Variants in PTPRG observed in about 807,000 individuals in gnomAD.
PTPRG encodes receptor-type tyrosine-protein phosphatase gamma.
Under a neutral mutation model 165.3 loss-of-function variants are expected in PTPRG, and 102 were observed. The ratio of observed to expected loss-of-function variants is 0.62; its 90% confidence interval spans 0.53 to 0.73. The LOEUF (loss-of-function observed/expected upper bound fraction) is 0.73. PTPRG is among the 30% of genes least tolerant of loss of function. PTPRG has a pLI of 0.00. For missense variants in PTPRG, 1,866 were observed against 1,861.4 expected (o/e 1.00, Z -0.05); for synonymous variants, 675 against 669.5 (o/e 1.01, Z -0.13).
At chr3:61,950,444 A>C (rs1211093779) in intron 2 of PTPRG, among the ~76,000 whole-genome samples, 1 of 152,204 alleles carries the variant, frequency 6.6e-6, no homozygotes, top group African/African-American at 2.4e-5. Context: ...GTGTTCAATG[A>C]AGTAAATGCT....
At chr3:61,958,898 A>T (rs1412529672) in intron 2 of PTPRG, among the ~76,000 whole-genome samples, 1 of 152,136 alleles carries the variant, frequency 6.6e-6, no homozygotes, top group East Asian at 1.9e-4. Context: ...GGTTCTTTGG[A>T]GAATACAAGG....
At chr3:61,688,902 C>T (rs1298268746) in intron 1 of PTPRG, among the ~76,000 whole-genome samples, 1 of 152,146 alleles carries the variant, frequency 6.6e-6, no homozygotes, top group African/African-American at 2.4e-5. Context: ...ACTGTCCTGC[C>T]CTGCTTCTCA....
At chr3:61,971,554 T>C (rs2040384425) in intron 2 of PTPRG, among the ~76,000 whole-genome samples, 1 of 152,214 alleles carries the variant, frequency 6.6e-6, no homozygotes, top group Non-Finnish European at 1.5e-5. Context: ...ATCTTGTAAC[T>C]AAAGGAAATT....
At chr3:61,563,072 C>A (rs541847640) in intron 1 of PTPRG, among the ~76,000 whole-genome samples, 1 of 151,792 alleles carries the variant, frequency 6.6e-6, no homozygotes, top group African/African-American at 2.4e-5. Context: ...CTAGCCCCGG[C>A]CCGTGGCCCT....
At chr3:62,192,069 T>A (rs977218620) in intron 9 of PTPRG, among the ~76,000 whole-genome samples, 1 of 152,164 alleles carries the variant, frequency 6.6e-6, no homozygotes, top group Non-Finnish European at 1.5e-5. Flanking sequence ...ATCATTCTCC[T>A]CTTCCTCTTC....
At chr3:62,194,959 A>G in intron 9 of PTPRG, 103 bp from the exon 10 acceptor site, 1 of 1,061,602 alleles carries the variant, frequency 9.4e-7, no homozygotes, top group Non-Finnish European at 1.4e-6. Flanking sequence ...GGGAAGCATC[A>G]CACCTGTCAG....
chr3:62,044,039 C>A (rs1019202849), intron 4 of PTPRG, among the ~76,000 whole-genome samples: 3 of 152,222 alleles, frequency 2.0e-5, no homozygotes, highest in Non-Finnish European at 4.4e-5. Context: ...ATGGAGTCAG[C>A]ACCCTCTTTG....
chr3:61,645,448 C>T (rs146931127), intron 1 of PTPRG, among the ~76,000 whole-genome samples: 101 of 152,302 alleles, frequency 6.6e-4, no homozygotes, highest in African/African-American at 2.2e-3. Flanking sequence ...GCATGTGACC[C>T]GGGCTCCACC....
intron 1 of PTPRG, among the ~76,000 whole-genome samples, chr3:61,726,461 T>C (rs759550549): frequency 6.6e-6 from 1 of 152,192 alleles, no homozygotes; most frequent in Non-Finnish European, 1.5e-5. Context: ...ATTTGTATAA[T>C]GGAAATATAC....
chr3:62,273,565 C>G lies in PTPRG; in HGVS notation c.3319-133C>G. The G allele has an allele frequency of 1.2e-6, 1 of 839,844 alleles. No homozygotes were observed. Among genetic ancestry groups the G allele is most frequent in the Non-Finnish European group, 1.9e-6 (1 of 512,954 alleles). 52.0% of individuals were successfully genotyped at this position (839,844 alleles called of 1,614,324 possible). On this transcript the variant is annotated intron_variant, in intron 22 of 29. Coordinates refer to ENST00000474889, the MANE Select transcript of PTPRG (RefSeq NM_002841.4). The surrounding 1 kb of genome is among the most constrained non-coding windows in gnomAD (Gnocchi z 4.1). The stretch of plus-strand genomic sequence containing the variant: ...ATAAAGTGAGTATTGGAGCAAATCA[C>G]CTAGCTGTAAGTGCTTGAAGGAAAT...
At chr3:61,867,090 A>G (rs1171964540) in intron 2 of PTPRG, among the ~76,000 whole-genome samples, 1 of 152,128 alleles carries the variant, frequency 6.6e-6, no homozygotes. Context: ...TCAGTACCAG[A>G]TGGCCTCCTG....
intron 1 of PTPRG, among the ~76,000 whole-genome samples, chr3:61,615,430 C>G (rs931690150): frequency 6.6e-6 from 1 of 152,204 alleles, no homozygotes; most frequent in Non-Finnish European, 1.5e-5. Flanking sequence ...TGCGTTGGGA[C>G]AGAAACACCA....
intron 1 of PTPRG, among the ~76,000 whole-genome samples, chr3:61,721,888 T>C (rs1469554299): frequency 1.3e-5 from 2 of 152,188 alleles, no homozygotes; most frequent in Non-Finnish European, 2.9e-5. Flanking sequence ...GAACCTCATA[T>C]TGTTTCTGAC....
chr3:61,748,792 A>AG, intron 1 of PTPRG, 86 bp from the exon 2 acceptor site: 1 of 1,046,744 alleles, frequency 9.6e-7, no homozygotes, highest in Non-Finnish European at 1.5e-6. Context: ...GATTCTACGA[A>AG]GTCACCCAAT....
At chr3:61,657,416 T>G (rs1426550941) in intron 1 of PTPRG, among the ~76,000 whole-genome samples, 1 of 152,088 alleles carries the variant, frequency 6.6e-6, no homozygotes, top group South Asian at 2.1e-4. Flanking sequence ...TGCTCCATTT[T>G]GAGGCCAGGA....
In PTPRG at chr3:61,741,556, G is replaced by A. The variant is rs76750708; in HGVS notation, c.86-7322G>A. On this transcript the variant is annotated intron_variant, in intron 1 of 29. Coordinates refer to ENST00000474889, the MANE Select transcript of PTPRG (RefSeq NM_002841.4). ...GAGAAATACCCTTATGTGTTACTAC[G>A]CTGTTTTGCTTTGATCATAGGATGT... is the stretch of plus-strand genomic sequence containing the variant. Among the ~76,000 whole-genome samples the A allele has an allele frequency of 7.3e-3, 1,107 of 152,258 alleles. 14 individuals are homozygous for A. Among genetic ancestry groups the A allele is most frequent in the African/African-American group, 0.025 (1,037 of 41,540 alleles).
In PTPRG at chr3:61,717,022, T is replaced by G. The variant is rs115686692; in HGVS notation, c.86-31856T>G. ...CCAGGGACATAGGCTTCATAACCAA[T>G]TATGGTGACTTGTTTCTTTGTCTTA... On this transcript the variant is annotated intron_variant, in intron 1 of 29. Coordinates refer to ENST00000474889, the MANE Select transcript of PTPRG (RefSeq NM_002841.4). Among the ~76,000 whole-genome samples the G allele has an allele frequency of 6.8e-4, 104 of 152,270 alleles. 1 individual carries two copies. The highest frequency in any genetic ancestry group is 2.4e-3 in the African/African-American group (101 of 41,570).
intron 6 of PTPRG, among the ~76,000 whole-genome samples, chr3:62,140,464 A>T (rs1703882201): frequency 6.6e-6 from 1 of 152,206 alleles, no homozygotes; most frequent in South Asian, 2.1e-4. Context: ...CACAAAAGCA[A>T]AACAGTGGGT....
intron 4 of PTPRG, among the ~76,000 whole-genome samples, chr3:62,045,930 G>T (rs965477331): frequency 1.3e-5 from 2 of 152,234 alleles, no homozygotes; most frequent in Non-Finnish European, 2.9e-5. Context: ...CATTCAGCCA[G>T]GATGTCTCAA....
Sources: gnomAD v4.1 joint callset for allele counts (sites outside exome capture counted in the v4.1 genomes callset) on GRCh38, gnomAD v4.1.1 for gene constraint, Gnocchi (gnomAD v3.1) non-coding constraint, MANE v1.5 for transcripts, NCBI Gene and HGNC (gene_info 2026-07-23, HGNC 2026-07-21) for gene names.